ARK2N: variants seen among roughly 807,000 people sequenced by gnomAD.
ARK2N encodes the protein arkadia (RNF111) N-terminal like PKA signaling regulator 2N, also known as protein ARK2N.
At chr18:46,191,560 T>C in the ARK2N span, among the ~76,000 whole-genome samples, 1 of 152,296 alleles carries the variant, frequency 6.6e-6, no homozygotes, top group African/African-American at 2.4e-5. Flanking sequence ...CTATGTTGAA[T>C]AAAACCAAAT....
chr18:46,261,163 A>T, the ARK2N span, among the ~76,000 whole-genome samples: 1 of 152,148 alleles, frequency 6.6e-6, no homozygotes, highest in Non-Finnish European at 1.5e-5. Flanking sequence ...ATACTTCTAA[A>T]TTGTTAGTTT....
the ARK2N span, among the ~76,000 whole-genome samples, chr18:46,185,499 G>C: frequency 6.6e-6 from 1 of 152,176 alleles, no homozygotes; most frequent in African/African-American, 2.4e-5. Context: ...CATTGTCATA[G>C]CTCTCTACTG....
chr18:46,199,545 T>G, the ARK2N span, among the ~76,000 whole-genome samples: 9 of 150,888 alleles, frequency 6.0e-5, no homozygotes, highest in Non-Finnish European at 1.0e-4. Flanking sequence ...CAGGCTGGTC[T>G]TGAACTCCTG....
chr18:46,195,251 ATTCTT>A, the ARK2N span, among the ~76,000 whole-genome samples: 6 of 145,010 alleles, frequency 4.1e-5, no homozygotes, highest in South Asian at 1.1e-3. Flanking sequence ...TTTTTCCTAA[ATTCTT>A]TTATTTAACC....
chr18:46,240,222 A>G, the ARK2N span: 1 of 1,609,344 alleles, frequency 6.2e-7, no homozygotes, highest in South Asian at 1.1e-5. Context: ...CTAACGGTGT[A>G]ATATGCATGT....
the ARK2N span, among the ~76,000 whole-genome samples, chr18:46,252,440 A>G: frequency 6.6e-6 from 1 of 151,718 alleles, no homozygotes; most frequent in African/African-American, 2.4e-5. Context: ...ATGCCCAGCT[A>G]ATTTTTGTAT....
At chr18:46,186,743 C>T in the ARK2N span, among the ~76,000 whole-genome samples, 148 of 152,050 alleles carry the variant, frequency 9.7e-4, no homozygotes, top group African/African-American at 3.4e-3. Flanking sequence ...CTCCTGACCT[C>T]GTGATCCGCC....
the ARK2N span, among the ~76,000 whole-genome samples, chr18:46,180,051 G>A: frequency 6.6e-6 from 1 of 152,316 alleles, no homozygotes. Flanking sequence ...ATACTTTAAA[G>A]TAGCCAATAT....
the ARK2N span, among the ~76,000 whole-genome samples, chr18:46,210,328 A>G: frequency 0.011 from 1,613 of 152,344 alleles, 36 homozygotes; most frequent in African/African-American, 0.037. Flanking sequence ...GGATGCAGTG[A>G]GTAAAGAAGA....
the ARK2N span, among the ~76,000 whole-genome samples, chr18:46,247,056 A>C: frequency 7.9e-5 from 12 of 152,158 alleles, no homozygotes; most frequent in African/African-American, 2.9e-4. Flanking sequence ...TTTTATGGCA[A>C]AAATTGCACT....
the ARK2N span, chr18:46,263,109 C>T: frequency 1.9e-6 from 3 of 1,609,416 alleles, no homozygotes; most frequent in African/African-American, 2.7e-5. Flanking sequence ...GGCGTAAATA[C>T]CTACTGTAAT....
chr18:46,240,161 T>C, the ARK2N span: 1 of 1,614,164 alleles, frequency 6.2e-7, no homozygotes, highest in Non-Finnish European at 8.5e-7. Context: ...ACCAGCGGGC[T>C]TCTAGAGGAG....
the ARK2N span, among the ~76,000 whole-genome samples, chr18:46,187,488 C>T: frequency 6.6e-6 from 1 of 151,686 alleles, no homozygotes. Flanking sequence ...ATTACAGGTG[C>T]ACGCCGCCAC....
At chr18:46,257,487 C>T in the ARK2N span, among the ~76,000 whole-genome samples, 1 of 152,002 alleles carries the variant, frequency 6.6e-6, no homozygotes, top group African/African-American at 2.4e-5. Flanking sequence ...TTATGATTGC[C>T]TTGTATTGCT....
At chr18:46,214,861 G>A in the ARK2N span, among the ~76,000 whole-genome samples, 1 of 152,222 alleles carries the variant, frequency 6.6e-6, no homozygotes, top group Non-Finnish European at 1.5e-5. Context: ...GTATGTGGGA[G>A]CTAGGTAGGA....
the ARK2N span, among the ~76,000 whole-genome samples, chr18:46,180,714 AC>A: frequency 7.2e-5 from 11 of 151,730 alleles, no homozygotes; most frequent in Admixed American, 5.9e-4. Flanking sequence ...AAAAAAAAAA[AC>A]AACAATAAAA....
chr18:46,253,799 T>C, the ARK2N span: 52 of 1,612,046 alleles, frequency 3.2e-5, no homozygotes, highest in Non-Finnish European at 4.2e-5. Context: ...GAAGTAGAGA[T>C]TGTGGGAGTT....
chr18:46,216,330 C>T, the ARK2N span: 1 of 1,614,032 alleles, frequency 6.2e-7, no homozygotes, highest in Non-Finnish European at 8.5e-7. The surrounding 1 kb of genome is among the most constrained non-coding windows in gnomAD (Gnocchi z 4.3). Context: ...GTGAAACTTC[C>T]ACTATGGCTG....
At chr18:46,236,971 C>G in the ARK2N span, among the ~76,000 whole-genome samples, 6 of 151,158 alleles carry the variant, frequency 4.0e-5, no homozygotes, top group Middle Eastern at 3.2e-3. Context: ...TCAAGTGATT[C>G]TCCTGCCTCA....
Sources: allele counts gnomAD v4.1 joint callset (sites outside exome capture counted in the v4.1 genomes callset), GRCh38; gene constraint gnomAD v4.1.1; non-coding constraint Gnocchi (gnomAD v3.1); transcripts MANE v1.5; gene names NCBI Gene and HGNC (gene_info 2026-07-23, HGNC 2026-07-21).